DSCAM: variants seen among roughly 807,000 people sequenced by gnomAD.
DSCAM encodes DS cell adhesion molecule, also known as cell adhesion molecule DSCAM.
A neutral mutation model predicts 217.7 loss-of-function variants in DSCAM; 47 were observed. That is an observed-to-expected ratio of 0.22 (90% CI 0.17 to 0.28). The LOEUF is 0.28. Among genes scored for constraint, DSCAM ranks in the 10% least tolerant of loss-of-function variants. The pLI is 1.00. For synonymous variants in DSCAM, 1,056 were observed against 1,015.3 expected (o/e 1.04, Z -0.76); for missense variants, 2,080 against 2,618.3 (o/e 0.79, Z 4.49).
At chr21:40,160,266 G>A (rs1218888193) in intron 16 of DSCAM, among the ~76,000 whole-genome samples, 1 of 152,132 alleles carries the variant, frequency 6.6e-6, no homozygotes, top group Non-Finnish European at 1.5e-5. Flanking sequence ...AGTGACTTAA[G>A]GTCATTTTGT....
At position 40,011,474 on chromosome 21, in the gene DSCAM, G is replaced by C. The variant is rs935240609; in HGVS notation, c.*1560C>G. Reference sequence around the variant, plus strand: ...CCTGTAGAGAATCTTCAGCCTGGGAGACTGAGCAGCTGTGGATATTTGATC... The same window carrying C: ...CCTGTAGAGAATCTTCAGCCTGGGACACTGAGCAGCTGTGGATATTTGATC... On this transcript the variant is annotated 3_prime_UTR_variant, in exon 33 of 33. Coordinates refer to ENST00000400454, the MANE Select transcript of DSCAM (RefSeq NM_001389.5). 2.0e-5 allele frequency: 3 copies of C among 152,238 alleles called. No individual in the cohort carries two copies. The highest frequency in any genetic ancestry group is 1.3e-4 in the Admixed American group (2 of 15,280). The allele number at this position is 152,238 out of a possible 1,614,324, so 9.4% of individuals were successfully genotyped here.
chr21:40,155,881 T>C (rs1425340472), intron 16 of DSCAM, among the ~76,000 whole-genome samples: 2 of 151,612 alleles, frequency 1.3e-5, no homozygotes, highest in African/African-American at 4.8e-5. Flanking sequence ...AGAATCTTCC[T>C]TGGAACGAAA....
intron 3 of DSCAM, among the ~76,000 whole-genome samples, chr21:40,581,119 G>A (rs1040221872): frequency 6.6e-6 from 1 of 152,194 alleles, no homozygotes; most frequent in African/African-American, 2.4e-5. Flanking sequence ...AAAGAAGACA[G>A]GACTCTGGAT....
At chr21:40,608,320 A>G (rs2089269492) in intron 3 of DSCAM, among the ~76,000 whole-genome samples, 1 of 152,236 alleles carries the variant, frequency 6.6e-6, no homozygotes, top group Non-Finnish European at 1.5e-5. Context: ...ACTGCAAAGA[A>G]CAGCAAAATA....
chr21:40,565,910 C>T (rs1056679709), intron 3 of DSCAM, among the ~76,000 whole-genome samples: 2 of 152,118 alleles, frequency 1.3e-5, no homozygotes, highest in East Asian at 1.9e-4. Flanking sequence ...CCAGCATGAA[C>T]GCATGAACCA....
intron 11 of DSCAM, among the ~76,000 whole-genome samples, chr21:40,223,146 C>T (rs1484269235): frequency 6.6e-6 from 1 of 152,186 alleles, no homozygotes; most frequent in African/African-American, 2.4e-5. Flanking sequence ...TCCCTGCTCC[C>T]GATGTGGGAG....
At chr21:40,255,410 A>G (rs1033594516) in intron 11 of DSCAM, among the ~76,000 whole-genome samples, 10 of 152,206 alleles carry the variant, frequency 6.6e-5, no homozygotes, top group Non-Finnish European at 1.5e-4. Flanking sequence ...GTCCTTGCTC[A>G]TAGCAATACA....
rs571214830 is a variant in DSCAM at position 40,078,752 on chromosome 21, C to T, written c.4646G>A (p.Arg1549Gln). The change falls in exon 26 of 33, where the codon CGG (arginine) becomes CAG (glutamine). Residue 1549 changes from arginine to glutamine, a missense_variant. Coordinates refer to ENST00000400454, the MANE Select transcript of DSCAM (RefSeq NM_001389.5). The stretch of plus-strand genomic sequence containing the variant: ...CGCGCAGCCCGCACTGTTGCACACC[C>T]GCATCTGCAGCTCATACCAGGTGGC... ...QEATWYELQM[R>Q]VCNSAGCAEK... 9 of 1,614,214 alleles carry T rather than the reference C, an allele frequency of 5.6e-6. No individual in the cohort carries two copies. The highest frequency in any genetic ancestry group is 3.3e-4 in the Middle Eastern group (2 of 6,062).
At chr21:40,679,808 T>C (rs1469936371) in intron 3 of DSCAM, among the ~76,000 whole-genome samples, 1 of 152,244 alleles carries the variant, frequency 6.6e-6, no homozygotes, top group Non-Finnish European at 1.5e-5. Flanking sequence ...TCTAATGCTT[T>C]TATGTTGAAA....
rs7275460 is a variant in DSCAM at position 40,075,131 on chromosome 21, G to A, written c.4794C>T (p.Thr1598=). The A allele has an allele frequency of 6.2e-7, 1 of 1,614,162 alleles. No individual in the cohort carries two copies. Among genetic ancestry groups the A allele is most frequent in the Non-Finnish European group, 8.5e-7 (1 of 1,180,024 alleles). Residue 1598 remains threonine (T), a synonymous_variant, in exon 27 of 33, where the codon ACC becomes ACT. Transcript: ENST00000400454. ...TTNEGLKMLV[T]ISCILVGVLL... is the part of the protein sequence containing the mutation. ...AGACCCCCACCAGGATACAGGAGAT[G>A]GTCACCAGCATCTTGAGCCCCTCGT...
intron 3 of DSCAM, among the ~76,000 whole-genome samples, chr21:40,640,267 T>G (rs2089861622): frequency 6.7e-6 from 1 of 149,636 alleles, no homozygotes; most frequent in African/African-American, 2.4e-5. Flanking sequence ...ATGCTGCAGC[T>G]TGCTCCATCC....
chr21:40,339,089 G>GT (rs3215894), intron 7 of DSCAM, 30 bp downstream of exon 7: 50,209 of 1,610,792 alleles, frequency 0.031, 1,881 homozygotes, highest in African/African-American at 0.19. Flanking sequence ...AGTTATGTGT[G>GT]TTTTTTTGAG....
At chr21:40,398,383 G>A (rs1242058038) in intron 3 of DSCAM, among the ~76,000 whole-genome samples, 2 of 152,050 alleles carry the variant, frequency 1.3e-5, no homozygotes, top group African/African-American at 2.4e-5. Context: ...TCTCCCCTGT[G>A]CTCACTCACA....
intron 15 of DSCAM, among the ~76,000 whole-genome samples, chr21:40,168,488 G>C (rs1453425651): frequency 2.0e-5 from 3 of 152,176 alleles, no homozygotes; most frequent in African/African-American, 4.8e-5. Context: ...AGCAAATGAC[G>C]ACACAGAGAT....
At chr21:40,402,045 ATTCCTTTTTTTTTTTTTTT>A (rs2075239027) in intron 3 of DSCAM, among the ~76,000 whole-genome samples, 1 of 79,088 alleles carries the variant, frequency 1.3e-5, no homozygotes, top group Non-Finnish European at 2.7e-5. Context: ...TATTATTCTT[ATTCCTTTTTTTTTTTTTTT>A]TTTTTTTTTT....
intron 3 of DSCAM, among the ~76,000 whole-genome samples, chr21:40,466,891 A>G (rs1376393179): frequency 6.6e-6 from 1 of 152,230 alleles, no homozygotes; most frequent in Non-Finnish European, 1.5e-5. Context: ...ACAAGAACTG[A>G]GTTGAACCTG....
chr21:40,679,575 A>G (rs1049227821), intron 3 of DSCAM, among the ~76,000 whole-genome samples: 1 of 152,246 alleles, frequency 6.6e-6, no homozygotes, highest in Non-Finnish European at 1.5e-5. Context: ...TAGCTATTCA[A>G]TAACTGACAT....
At chr21:40,119,577 G>A (rs552942407) in intron 20 of DSCAM, among the ~76,000 whole-genome samples, 25 of 152,212 alleles carry the variant, frequency 1.6e-4, no homozygotes, top group African/African-American at 5.8e-4. Context: ...CAGAGATAGT[G>A]AAGAATATTA....
chr21:40,202,594 T>C (rs1254379156), intron 11 of DSCAM, among the ~76,000 whole-genome samples: 1 of 152,242 alleles, frequency 6.6e-6, no homozygotes, highest in East Asian at 1.9e-4. Context: ...TACAAGCTAA[T>C]AGCTCTTTAG....
Sources: allele counts gnomAD v4.1 joint callset (sites outside exome capture counted in the v4.1 genomes callset), GRCh38; gene constraint gnomAD v4.1.1; transcripts MANE v1.5; gene names NCBI Gene and HGNC (gene_info 2026-07-23, HGNC 2026-07-21).